The following LIN9 variants were observed in gnomAD, a reference collection of about 807,000 sequenced individuals.
LIN9 encodes protein lin-9 homolog.
In LIN9, 18 loss-of-function variants were observed where a neutral mutation model predicts 78.0. That is an observed-to-expected ratio of 0.23 (90% confidence interval 0.16 to 0.34). The LOEUF is 0.34. Among genes scored for constraint, LIN9 ranks in the 10% least tolerant of loss-of-function variants. The probability of loss-of-function intolerance (pLI) is 1.00; values close to 1 mark genes in which losing one functional copy is unlikely to be tolerated. For synonymous variants in LIN9, 192 were observed against 215.2 expected, an observed-to-expected ratio of 0.89 and a Z score of 0.94; for missense variants, 451 against 644.1, an observed-to-expected ratio of 0.70 and a Z score of 3.25.
At chr1:226,232,699 C>A in intron 14 of LIN9, 93 bp from the exon 15 acceptor site, 1 of 661,556 alleles carries the variant, frequency 1.5e-6, no homozygotes, top group Non-Finnish European at 2.6e-6. Context: ...TAGGAAACAG[C>A]TATGATAAAT....
chr1:226,309,168 G>T, upstream of LIN9: 1 of 1,405,924 alleles, frequency 7.1e-7, no homozygotes, highest in Admixed American at 2.6e-5. Context: ...CTTTTTCAAA[G>T]GCTGCCCGCC....
At chr1:226,274,957 G>A (rs1660542054) in intron 7 of LIN9, among the ~76,000 whole-genome samples, 1 of 152,126 alleles carries the variant, frequency 6.6e-6, no homozygotes, top group South Asian at 2.1e-4. Flanking sequence ...CCCAACATCT[G>A]AGTCATCTCA....
chr1:226,253,282 GAGAA>G (rs1200764300), intron 10 of LIN9, among the ~76,000 whole-genome samples: 25 of 127,054 alleles, frequency 2.0e-4, no homozygotes, highest in East Asian at 9.6e-4. Flanking sequence ...AAAAAAAAAA[GAGAA>G]AGAAAGAAAG....
chr1:226,258,894 CAAAAAAAAAAAAAAAAAAA>C (rs770169450), intron 10 of LIN9, among the ~76,000 whole-genome samples: 1 of 54,778 alleles, frequency 1.8e-5, no homozygotes, highest in East Asian at 6.1e-4. Context: ...TCTGTCTCAA[CAAAAAAAAAAAAAAAAAAA>C]AAAAAAAAAA....
chr1:226,295,366 T>C (rs1662077360), intron 4 of LIN9, among the ~76,000 whole-genome samples: 1 of 151,956 alleles, frequency 6.6e-6, no homozygotes, highest in Non-Finnish European at 1.5e-5. Context: ...GGAGAATCAT[T>C]TGAACCCGGG....
chr1:226,293,739 G>A lies in LIN9; in HGVS notation c.264+2103C>T, dbSNP rs1576351099. ...CGCCCAACTAATTTTTGTATTTACT[G>A]TAGAGATGGCATTTTGCCATGTTGG... On this transcript the variant is annotated intron_variant, in intron 4 of 14. Coordinates refer to ENST00000681046, the MANE Select transcript of LIN9 (RefSeq NM_001366245.2). Among the ~76,000 whole-genome samples the A allele has an allele frequency of 2.0e-5, 3 of 152,148 alleles. No homozygotes were observed. The East Asian group carries it at 5.8e-4, about 29-fold the overall frequency.
At chr1:226,282,703 C>T (rs1025559305) in intron 6 of LIN9, among the ~76,000 whole-genome samples, 1 of 152,152 alleles carries the variant, frequency 6.6e-6, no homozygotes, top group Non-Finnish European at 1.5e-5. Context: ...CGCCTGTAAT[C>T]CCAGCTACTC....
At chr1:226,240,509 C>T (rs1658044128) in intron 11 of LIN9, among the ~76,000 whole-genome samples, 1 of 151,974 alleles carries the variant, frequency 6.6e-6, no homozygotes, top group Admixed American at 6.6e-5. Flanking sequence ...CTGCCTCAGC[C>T]TCTCAAGTAG....
intron 1 of LIN9, among the ~76,000 whole-genome samples, chr1:226,304,318 GTC>G (rs1256873137): frequency 1.3e-5 from 2 of 152,272 alleles, no homozygotes; most frequent in Admixed American, 6.5e-5. Context: ...TGTGAGATGT[GTC>G]TCTCTCAAAC....
intron 10 of LIN9, among the ~76,000 whole-genome samples, chr1:226,252,959 A>C (rs1658934254): frequency 6.6e-6 from 1 of 151,164 alleles, no homozygotes; most frequent in Non-Finnish European, 1.5e-5. Context: ...AGAGCGAAAC[A>C]CCCTCTCAAA....
Position 226,232,568 on chromosome 1 carries a change from A to G in LIN9, c.1562T>C (p.Ile521Thr). The change falls in exon 15 of 15, where the codon ATT becomes ACT. Residue 521 changes from isoleucine to threonine, a missense_variant. Transcript: ENST00000681046. ...TCCCATCTGGCTCAGGCCACTCTGAATATGTGCAACATGGATTTCTACATT... is the reference window on the plus strand; with the variant it reads ...TCCCATCTGGCTCAGGCCACTCTGAGTATGTGCAACATGGATTTCTACATT... ...QNNVEIHVAH[I>T]QSGLSQMGNL... is the part of the protein sequence containing the mutation. 1 of 1,611,996 alleles carries G rather than the reference A, an allele frequency of 6.2e-7. No homozygotes were observed. Among genetic ancestry groups the G allele is most frequent in the Non-Finnish European group, 8.5e-7 (1 of 1,178,616 alleles).
At chr1:226,252,473 T>C (rs1443996073) in intron 10 of LIN9, among the ~76,000 whole-genome samples, 1 of 152,044 alleles carries the variant, frequency 6.6e-6, no homozygotes, top group Non-Finnish European at 1.5e-5. Context: ...ACATGTTAAA[T>C]AATCCCACAA....
intron 4 of LIN9, 34 bp downstream of exon 4, chr1:226,295,808 T>C: frequency 7.3e-7 from 1 of 1,371,248 alleles, no homozygotes; most frequent in South Asian, 1.3e-5. Flanking sequence ...GCTTACTTCC[T>C]TTCCAATGAA....
In LIN9 at chr1:226,299,901, A is replaced by G. The variant is rs181619749; in HGVS notation, c.64+1272T>C. ...ATTATTCTTTTATTTTTATTTCAAG[A>G]CATTATTACTTAGAAAGCAAGATTC... On this transcript the variant is annotated intron_variant, in intron 2 of 14. Coordinates refer to ENST00000681046, the MANE Select transcript of LIN9 (RefSeq NM_001366245.2). Among the ~76,000 whole-genome samples, 72 of 152,002 alleles carry G rather than the reference A, an allele frequency of 4.7e-4. 1 individual carries two copies. The highest frequency in any genetic ancestry group is 1.6e-3 in the African/African-American group (66 of 41,474).
chr1:226,308,880 C>T, intron 1 of LIN9: 2 of 315,850 alleles, frequency 6.3e-6, no homozygotes, highest in Non-Finnish European at 1.1e-5. Flanking sequence ...CTCCCGGGCT[C>T]TCGGTTTCCG....
At chr1:226,235,209 C>T (rs1657608224) in intron 12 of LIN9, among the ~76,000 whole-genome samples, 1 of 150,024 alleles carries the variant, frequency 6.7e-6, no homozygotes, top group African/African-American at 2.5e-5. Flanking sequence ...GTAATCATAG[C>T]TACTGGGGAG....
intron 7 of LIN9, among the ~76,000 whole-genome samples, chr1:226,275,902 C>T (rs1045972239): frequency 1.3e-5 from 2 of 151,888 alleles, no homozygotes; most frequent in Admixed American, 1.3e-4. Context: ...GTGGCGGGTG[C>T]CGGTAATCCC....
chr1:226,249,665 C>A (rs1002739294), intron 11 of LIN9, among the ~76,000 whole-genome samples: 6 of 152,170 alleles, frequency 3.9e-5, no homozygotes, highest in African/African-American at 9.7e-5. Context: ...CCTGCACTTA[C>A]AACAGACACT....
At chr1:226,241,538 T>C (rs1013838435) in intron 11 of LIN9, among the ~76,000 whole-genome samples, 4 of 152,148 alleles carry the variant, frequency 2.6e-5, no homozygotes, top group Admixed American at 1.3e-4. Context: ...ATGTATGAAA[T>C]TGGGAGATGG....
Sources: allele counts gnomAD v4.1 joint callset (sites outside exome capture counted in the v4.1 genomes callset), GRCh38; gene constraint gnomAD v4.1.1; transcripts MANE v1.5; gene names NCBI Gene and HGNC (gene_info 2026-07-23, HGNC 2026-07-21).